The following AK5 variants were observed in gnomAD, a reference collection of about 807,000 sequenced individuals.
The protein encoded by AK5 is adenylate kinase 5.
In AK5, 27 loss-of-function variants were observed where a neutral mutation model predicts 69.5. The ratio of observed to expected loss-of-function variants is 0.39; its 90% CI spans 0.29 to 0.54. The LOEUF is 0.54. Among genes scored for constraint, AK5 ranks in the 20% least tolerant of loss-of-function variants. The probability of loss-of-function intolerance (pLI) is 0.71; values close to 1 mark genes in which losing one functional copy is unlikely to be tolerated. For missense variants in AK5, 531 were observed against 700.4 expected (o/e 0.76, Z 2.73); for synonymous variants, 260 against 244.4 (o/e 1.06, Z -0.60).
At chr1:77,442,417 C>T (rs938088935) in intron 8 of AK5, among the ~76,000 whole-genome samples, 1 of 152,166 alleles carries the variant, frequency 6.6e-6, no homozygotes, top group Non-Finnish European at 1.5e-5. Flanking sequence ...CTTGTGAGGG[C>T]TGCAGAGGAC....
rs1660269016 is a variant in AK5, at chr1:77,558,729, T to G, written c.*59T>G. The G allele has an allele frequency of 1.7e-6, 2 of 1,209,326 alleles. No homozygotes were observed. The highest frequency in any genetic ancestry group is 3.6e-5 in the Admixed American group (2 of 56,208). 74.9% of individuals were successfully genotyped at this position (1,209,326 alleles called of 1,614,324 possible). A position where few individuals can be genotyped will look rare whatever the true frequency, so the allele number is the denominator to read the frequency against. ...GAAAAACATTAAAAAGTTCATTCCT[T>G]AACACAATGTTTCAAGTTAAACCTT... On this transcript the variant is annotated 3_prime_UTR_variant, in exon 14 of 14. Transcript: ENST00000354567.
chr1:77,372,170 AG>A (rs1465846435), intron 6 of AK5, among the ~76,000 whole-genome samples: 13 of 146,218 alleles, frequency 8.9e-5, no homozygotes, highest in Admixed American at 8.2e-4. Context: ...TAATAACACT[AG>A]ATTTAAAACA....
At chr1:77,483,743 A>G (rs907251443) in intron 9 of AK5, among the ~76,000 whole-genome samples, 2 of 152,274 alleles carry the variant, frequency 1.3e-5, no homozygotes, top group Non-Finnish European at 2.9e-5. Context: ...TTAATTCAAC[A>G]TTCATTAAAC....
rs149932219 is a variant in AK5, at chr1:77,476,851, G to A, written c.1060-6466G>A. Among the ~76,000 whole-genome samples the A allele has an allele frequency of 3.7e-3, 557 of 151,096 alleles. 1 individual carries two copies. Among genetic ancestry groups the A allele is most frequent in the African/African-American group, 0.013 (544 of 41,084 alleles). Reference sequence around the variant, plus strand: ...CACTCTAAGTACTACTGAAATAATAGTTCCAGTAATCATTTTCTAAAATTG... The same window carrying A: ...CACTCTAAGTACTACTGAAATAATAATTCCAGTAATCATTTTCTAAAATTG... On this transcript the variant is annotated intron_variant, in intron 8 of 13. Transcript: ENST00000354567.
At chr1:77,523,418 T>C (rs1658104607) in intron 12 of AK5, among the ~76,000 whole-genome samples, 1 of 152,156 alleles carries the variant, frequency 6.6e-6, no homozygotes, top group Admixed American at 6.5e-5. Flanking sequence ...AATGAGCTTT[T>C]TCCCATGAAA....
intron 6 of AK5, among the ~76,000 whole-genome samples, chr1:77,347,328 G>A (rs912208775): frequency 6.6e-6 from 1 of 152,138 alleles, no homozygotes; most frequent in African/African-American, 2.4e-5. Flanking sequence ...ATCCATTTTT[G>A]ACTGGAATAA....
At chr1:77,354,009 C>T (rs1393643935) in intron 6 of AK5, among the ~76,000 whole-genome samples, 1 of 152,098 alleles carries the variant, frequency 6.6e-6, no homozygotes, top group Non-Finnish European at 1.5e-5. Flanking sequence ...ACTGGATGAA[C>T]TTGACACTCT....
At chr1:77,456,562 C>T (rs1328706339) in intron 8 of AK5, among the ~76,000 whole-genome samples, 1 of 152,224 alleles carries the variant, frequency 6.6e-6, no homozygotes, top group Non-Finnish European at 1.5e-5. Context: ...GCAAGAACAG[C>T]ACCTTCGAAG....
At chr1:77,408,684 G>C (rs1487826916) in intron 6 of AK5, among the ~76,000 whole-genome samples, 2 of 151,938 alleles carry the variant, frequency 1.3e-5, no homozygotes, top group African/African-American at 4.8e-5. Flanking sequence ...TTTTAAATAT[G>C]TGCAGTTCAT....
intron 5 of AK5, among the ~76,000 whole-genome samples, chr1:77,300,846 C>A (rs1349620628): frequency 6.6e-6 from 1 of 152,138 alleles, no homozygotes; most frequent in East Asian, 1.9e-4. Context: ...TGACTCAGAA[C>A]CCAGAAAAAC....
intron 10 of AK5, among the ~76,000 whole-genome samples, chr1:77,507,243 C>T (rs1657080997): frequency 6.6e-6 from 1 of 152,200 alleles, no homozygotes; most frequent in South Asian, 2.1e-4. Flanking sequence ...CAGTGCATTT[C>T]CCAAAGGAGG....
intron 10 of AK5, among the ~76,000 whole-genome samples, chr1:77,499,083 A>AT (rs955469875): frequency 6.6e-6 from 1 of 152,168 alleles, no homozygotes; most frequent in African/African-American, 2.4e-5. Flanking sequence ...ATAGGAGATC[A>AT]TTTTTTGCCT....
chr1:77,283,830 A>G (rs1307453875), intron 1 of AK5, among the ~76,000 whole-genome samples: 1 of 152,182 alleles, frequency 6.6e-6, no homozygotes, highest in African/African-American at 2.4e-5. Flanking sequence ...ACTGAGATAT[A>G]TTTCATTTCT....
chr1:77,323,573 A>G (rs571681606), intron 5 of AK5, among the ~76,000 whole-genome samples: 2 of 152,354 alleles, frequency 1.3e-5, no homozygotes, highest in Non-Finnish European at 2.9e-5. Flanking sequence ...AATGATCGAA[A>G]TGAACGAGCA....
intron 5 of AK5, among the ~76,000 whole-genome samples, chr1:77,335,133 G>A (rs1169900791): frequency 6.6e-6 from 1 of 152,146 alleles, no homozygotes; most frequent in Non-Finnish European, 1.5e-5. Flanking sequence ...TAAGAACAAG[G>A]AGCATTAAAA....
chr1:77,476,471 TAAA>T (rs5775407), intron 8 of AK5, among the ~76,000 whole-genome samples: 24,660 of 152,146 alleles, frequency 0.16, 2,170 homozygotes, highest in Admixed American at 0.21. Context: ...GTAAAACCTG[TAAA>T]ATTCATTTTC....
chr1:77,493,106 C>A (rs1656092386), intron 10 of AK5, among the ~76,000 whole-genome samples: 1 of 152,130 alleles, frequency 6.6e-6, no homozygotes, highest in African/African-American at 2.4e-5. Context: ...ACACAGCTAG[C>A]TGGTAGAGCA....
chr1:77,461,052 G>A lies in AK5; in HGVS notation c.1060-22265G>A, dbSNP rs796239447. Among the ~76,000 whole-genome samples the A allele has an allele frequency of 2.4e-4, 22 of 92,284 alleles. No homozygotes were observed. The East Asian group carries it at 4.7e-3, about 20-fold the overall frequency. 60.5% of individuals were successfully genotyped at this position (92,284 alleles called of 152,430 possible). ...TGTGAAATTTTTTTTTTTTTTTTTT[G>A]AGACGGAGTCTGGGTCTTTCGCCCA... is the stretch of plus-strand genomic sequence containing the variant. On this transcript the variant is annotated intron_variant, in intron 8 of 13. Transcript: ENST00000354567.
At chr1:77,402,668 G>A (rs903325900) in intron 6 of AK5, among the ~76,000 whole-genome samples, 71 of 151,834 alleles carry the variant, frequency 4.7e-4, no homozygotes, top group African/African-American at 1.7e-3. Flanking sequence ...GTGTATATGT[G>A]CCACATTTTC....
Sources: allele counts gnomAD v4.1 joint callset (sites outside exome capture counted in the v4.1 genomes callset), GRCh38; gene constraint gnomAD v4.1.1; transcripts MANE v1.5; gene names NCBI Gene and HGNC (gene_info 2026-07-23, HGNC 2026-07-21).